Variants in USP50 observed in about 807,000 individuals in gnomAD.
USP50 encodes ubiquitin carboxyl-terminal hydrolase 50.
In USP50, 37 loss-of-function variants were observed where a neutral mutation model predicts 39.2. That is an observed-to-expected ratio of 0.94 (90% CI 0.73 to 1.24). The LOEUF (loss-of-function observed/expected upper bound fraction) is 1.24. USP50 is among the 50% of genes most tolerant of loss of function. The pLI, the probability that USP50 is intolerant of heterozygous loss-of-function variation, is 0.00. For missense variants in USP50, 374 were observed against 398.2 expected (o/e 0.94, Z 0.52); for synonymous variants, 139 against 144.5 (o/e 0.96, Z 0.27).
At chr15:50,518,757 T>C (rs1333118336) in intron 6 of USP50, among the ~76,000 whole-genome samples, 7 of 152,084 alleles carry the variant, frequency 4.6e-5, no homozygotes, top group Non-Finnish European at 8.8e-5. Context: ...TAAGCAAAGA[T>C]TTTATGGCTA....
chr15:50,520,994 A>G (rs1412557395), intron 6 of USP50, among the ~76,000 whole-genome samples: 1 of 152,156 alleles, frequency 6.6e-6, no homozygotes, highest in East Asian at 1.9e-4. Flanking sequence ...ACTCAAAGAA[A>G]TGATAAAGGT....
At chr15:50,538,616 G>A in intron 5 of USP50, 93 bp downstream of exon 5, 1 of 1,282,592 alleles carries the variant, frequency 7.8e-7, no homozygotes, top group Non-Finnish European at 1.0e-6. Flanking sequence ...TCATTGAATT[G>A]TATACTCTAA....
chr15:50,530,338 T>C (rs1432407964), intron 5 of USP50, among the ~76,000 whole-genome samples: 1 of 151,182 alleles, frequency 6.6e-6, no homozygotes, highest in Non-Finnish European at 1.5e-5. Context: ...ATCCTAGCAC[T>C]TTGGGAGGCT....
intron 6 of USP50, among the ~76,000 whole-genome samples, chr15:50,525,735 G>GTATATATATGTATATATGTATATGTATA (rs575809844): frequency 3.0e-4 from 38 of 125,652 alleles, no homozygotes; most frequent in African/African-American, 1.3e-3. Flanking sequence ...ATATGTATAT[G>GTATATATATGTATATATGTATATGTATA]TATATAATCT....
At chr15:50,494,000 G>T, downstream of USP50, 2 of 1,535,450 alleles carry the variant, frequency 1.3e-6, no homozygotes, top group African/African-American at 1.4e-5. Context: ...TTGACATCAA[G>T]AATCTACTGT....
At chr15:50,500,994 G>T in intron 6 of USP50, 157 bp from the exon 7 acceptor site, 1 of 600,944 alleles carries the variant, frequency 1.7e-6, no homozygotes, top group Non-Finnish European at 3.0e-6. Flanking sequence ...TAGCCTGACT[G>T]CTATATTGCT....
chr15:50,516,749 CTATA>C (rs59705292), intron 6 of USP50, among the ~76,000 whole-genome samples: 64,927 of 149,624 alleles, frequency 0.43, 14,917 homozygotes, highest in Admixed American at 0.54. Flanking sequence ...AGAGTGGTAG[CTATA>C]TATATATATA....
chr15:50,501,081 G>T (rs2052577971), intron 6 of USP50: 2 of 428,602 alleles, frequency 4.7e-6, no homozygotes, highest in Non-Finnish European at 4.3e-6. Flanking sequence ...ATATTTAGCA[G>T]CATCTGATTA....
chr15:50,523,773 G>GA (rs1156489465), intron 6 of USP50, among the ~76,000 whole-genome samples: 2 of 151,964 alleles, frequency 1.3e-5, no homozygotes, highest in African/African-American at 2.4e-5. Context: ...TACAGAAATA[G>GA]AAAAAAATCC....
intron 6 of USP50, 145 bp from the exon 7 acceptor site, chr15:50,500,982 T>C: frequency 1.5e-6 from 1 of 675,188 alleles, no homozygotes; most frequent in Non-Finnish European, 2.6e-6. Flanking sequence ...AAATCATGCA[T>C]ATAGCCTGAC....
chr15:50,534,059 C>T (rs113388118), intron 5 of USP50, among the ~76,000 whole-genome samples: 11 of 152,020 alleles, frequency 7.2e-5, no homozygotes, highest in African/African-American at 2.7e-4. Flanking sequence ...ATAGGTCAAA[C>T]ACTTGGATCT....
chr15:50,516,010 A>G (rs2052800895), intron 6 of USP50, among the ~76,000 whole-genome samples: 1 of 152,232 alleles, frequency 6.6e-6, no homozygotes, highest in African/African-American at 2.4e-5. Flanking sequence ...CATCAAAATC[A>G]TAAAATGTTG....
chr15:50,503,942 A>G (rs2052624070), intron 6 of USP50: 1 of 152,206 alleles, frequency 6.6e-6, no homozygotes. Flanking sequence ...GGCTACAAAT[A>G]AAGTATATTT....
At chr15:50,503,711 A>G (rs1385516672) in intron 6 of USP50, 1 of 152,216 alleles carries the variant, frequency 6.6e-6, no homozygotes, top group Non-Finnish European at 1.5e-5. Context: ...TGTGAACTTA[A>G]TATGAAAAGT....
intron 6 of USP50, chr15:50,512,761 C>A (rs1353765120): frequency 4.6e-5 from 7 of 152,078 alleles, no homozygotes; most frequent in Admixed American, 4.6e-4. Context: ...CACCGCACTC[C>A]AGCCTGGGCG....
At chr15:50,541,470 A>G (rs754674487) in intron 3 of USP50, among the ~76,000 whole-genome samples, 1 of 152,050 alleles carries the variant, frequency 6.6e-6, no homozygotes, top group Non-Finnish European at 1.5e-5. Context: ...CCGTGTTAGC[A>G]CTACTGCACT....
intron 1 of USP50, among the ~76,000 whole-genome samples, chr15:50,494,649 C>G (rs1172736531): frequency 6.6e-6 from 1 of 152,036 alleles, no homozygotes; most frequent in Non-Finnish European, 1.5e-5. Flanking sequence ...TGTACATATC[C>G]TTATTCTTTT....
intron 6 of USP50, among the ~76,000 whole-genome samples, chr15:50,527,214 C>T (rs979063542): frequency 6.6e-5 from 10 of 151,640 alleles, no homozygotes; most frequent in Non-Finnish European, 1.5e-4. Flanking sequence ...TCTTTTTTTT[C>T]TTTTTTCTGA....
At chr15:50,515,696 AAATT>A (rs2052797120) in intron 6 of USP50, among the ~76,000 whole-genome samples, 1 of 151,658 alleles carries the variant, frequency 6.6e-6, no homozygotes, top group Non-Finnish European at 1.5e-5. Context: ...AGCAAAAACA[AAATT>A]AAAGAATAAA....
Sources: gnomAD v4.1 joint callset for allele counts (sites outside exome capture counted in the v4.1 genomes callset) on GRCh38, gnomAD v4.1.1 for gene constraint, MANE v1.5 for transcripts, NCBI Gene and HGNC (gene_info 2026-07-23, HGNC 2026-07-21) for gene names.